Variants in TMPRSS4 observed in about 807,000 individuals in gnomAD.
TMPRSS4 encodes transmembrane protease serine 4.
TMPRSS4 carries 45 observed loss-of-function variants against 56.4 expected under a neutral mutation model. The ratio of observed to expected loss-of-function variants is 0.80; its 90% CI spans 0.63 to 1.02. The LOEUF (loss-of-function observed/expected upper bound fraction) is 1.02, where lower values mean the gene tolerates loss of function less well. Ranked by LOEUF, TMPRSS4 falls within the 50% of genes least tolerant of loss-of-function variation. TMPRSS4 has a pLI of 0.00. For missense variants in TMPRSS4, 546 were observed against 556.7 expected (o/e 0.98, Z 0.19); for synonymous variants, 205 against 211.0 (o/e 0.97, Z 0.25).
At chr11:118,095,526 G>A (rs1946237759) in intron 2 of TMPRSS4, 1 of 152,298 alleles carries the variant, frequency 6.6e-6, no homozygotes, top group South Asian at 2.1e-4. Flanking sequence ...GTAATCTTTA[G>A]CAAGTAAAAT....
At chr11:118,117,239 C>A in intron 11 of TMPRSS4, 66 bp from the exon 12 acceptor site, 1 of 1,532,706 alleles carries the variant, frequency 6.5e-7, no homozygotes, top group Non-Finnish European at 9.0e-7. Flanking sequence ...GTTCAGGGAG[C>A]AGAGAAGGAG....
intron 1 of TMPRSS4, among the ~76,000 whole-genome samples, chr11:118,087,390 G>A (rs761583400): frequency 5.9e-5 from 9 of 152,156 alleles, no homozygotes; most frequent in Non-Finnish European, 8.8e-5. Context: ...TTGAGCTGCC[G>A]CCTCTTCTTC....
intron 3 of TMPRSS4, among the ~76,000 whole-genome samples, chr11:118,099,499 A>AAGAC (rs1555085876): frequency 3.0e-4 from 46 of 151,800 alleles, no homozygotes; most frequent in Middle Eastern, 6.8e-3. Flanking sequence ...GAAAGAAAGA[A>AAGAC]AGACATGTAT....
At chr11:118,115,978 G>A (rs1049765297) in intron 11 of TMPRSS4, among the ~76,000 whole-genome samples, 4 of 152,148 alleles carry the variant, frequency 2.6e-5, no homozygotes, top group South Asian at 2.1e-4. Flanking sequence ...AAGAATTACC[G>A]CCTGCAGAAT....
chr11:118,111,958 G>A, intron 8 of TMPRSS4, 58 bp downstream of exon 8: 1 of 1,569,936 alleles, frequency 6.4e-7, no homozygotes, highest in East Asian at 2.4e-5. Flanking sequence ...GGACCAGAGA[G>A]CTTGGGGTCC....
rs142842357 is a variant in TMPRSS4, at chr11:118,115,136, A to G, written c.1010-2A>G. ...GGAATGTGAGTGTTTTTACCCTCCCAGGGAAGATGTCTGACATACTGCTGC... is the reference window on the plus strand; with the variant it reads ...GGAATGTGAGTGTTTTTACCCTCCCGGGGAAGATGTCTGACATACTGCTGC... On this transcript the variant is annotated splice_acceptor_variant, in intron 10 of 12. Coordinates refer to ENST00000437212, the MANE Select transcript of TMPRSS4 (RefSeq NM_019894.4). LOFTEE classifies it high-confidence loss of function. 178 of 1,609,636 alleles carry G rather than the reference A, an allele frequency of 1.1e-4. No individual in the cohort carries two copies. In the African/African-American group the frequency reaches 2.2e-3, roughly 20 times the overall value.
intron 12 of TMPRSS4, chr11:118,117,679 G>A (rs1947635177): frequency 1.0e-6 from 1 of 985,420 alleles, no homozygotes; most frequent in Non-Finnish European, 1.2e-6. Flanking sequence ...AACACACCAA[G>A]CCTTTCTTTC....
At position 118,114,886 on chromosome 11, in the gene TMPRSS4, C is replaced by G. The variant is rs1314623814; in HGVS notation, c.968C>G (p.Pro323Arg). 1.2e-6 allele frequency: 2 copies of G among 1,608,100 alleles called. No homozygotes were observed. The highest frequency in any genetic ancestry group is 2.2e-5 in the East Asian group (1 of 44,822). ...GATGAGGAGCTCACTCCAGCCACCCCACTCTGGATCATTGGATGGGGCTTT... is the reference window on the plus strand; with the variant it reads ...GATGAGGAGCTCACTCCAGCCACCCGACTCTGGATCATTGGATGGGGCTTT... ...FFDEELTPAT[P>R]LWIIGWGFTK... The change falls in exon 10 of 13, where the codon CCA (proline) becomes CGA (arginine). Residue 323 changes from proline to arginine, a missense_variant. Transcript: ENST00000437212.
intron 8 of TMPRSS4, among the ~76,000 whole-genome samples, chr11:118,112,107 T>C (rs1947307462): frequency 6.6e-6 from 1 of 152,160 alleles, no homozygotes; most frequent in African/African-American, 2.4e-5. Context: ...TCACCAAGCA[T>C]GGCCTCTTCC....
chr11:118,079,096 C>G (rs991493850), intron 1 of TMPRSS4, among the ~76,000 whole-genome samples: 2 of 152,038 alleles, frequency 1.3e-5, no homozygotes, highest in Non-Finnish European at 2.9e-5. Context: ...GGGGTCAGGT[C>G]AGGCCTGGGG....
At chr11:118,097,069 G>GGAAAGGAAAGGAAAGGAAAGGAA (rs1565423938) in intron 2 of TMPRSS4, among the ~76,000 whole-genome samples, 508 of 22,870 alleles carry the variant, frequency 0.022, 42 homozygotes, top group African/African-American at 0.053. Flanking sequence ...AAGGAAAGGA[G>GGAAAGGAAAGGAAAGGAAAGGAA]GTAGTAGAAG....
chr11:118,096,210 T>A (rs949897411), intron 2 of TMPRSS4, among the ~76,000 whole-genome samples: 9 of 152,362 alleles, frequency 5.9e-5, no homozygotes, highest in Non-Finnish European at 1.3e-4. Flanking sequence ...TGGCAAACAT[T>A]ACTGATAAGC....
intron 2 of TMPRSS4, 136 bp downstream of exon 2, chr11:118,094,991 C>A: frequency 1.1e-6 from 1 of 887,340 alleles, no homozygotes; most frequent in Non-Finnish European, 1.8e-6. Flanking sequence ...TCCAGTCACC[C>A]GTCCATCCAT....
At chr11:118,078,138 C>T (rs1487267733) in intron 1 of TMPRSS4, among the ~76,000 whole-genome samples, 3 of 151,950 alleles carry the variant, frequency 2.0e-5, no homozygotes, top group African/African-American at 4.8e-5. Context: ...TGCCCTCACC[C>T]TCTCTCCTCC....
chr11:118,100,426 C>T (rs1166708899), intron 3 of TMPRSS4, among the ~76,000 whole-genome samples: 3 of 152,196 alleles, frequency 2.0e-5, no homozygotes, highest in African/African-American at 7.2e-5. Context: ...CTGAGAGAGA[C>T]TCTGGTCCTC....
intron 11 of TMPRSS4, among the ~76,000 whole-genome samples, chr11:118,116,008 G>A (rs1382807763): frequency 7.0e-6 from 1 of 142,386 alleles, no homozygotes; most frequent in Non-Finnish European, 1.5e-5. Flanking sequence ...ACATCTGTGT[G>A]TGCCCTCACC....
intron 7 of TMPRSS4, 21 bp from the exon 8 acceptor site, chr11:118,111,720 C>G (rs745551174): frequency 1.3e-6 from 2 of 1,540,382 alleles, no homozygotes; most frequent in Non-Finnish European, 8.7e-7. Context: ...CTGCCTCCTC[C>G]CTGCCTCTGC....
At chr11:118,080,755 T>A (rs1350168912) in intron 1 of TMPRSS4, among the ~76,000 whole-genome samples, 1 of 152,104 alleles carries the variant, frequency 6.6e-6, no homozygotes, top group East Asian at 1.9e-4. Flanking sequence ...GCCGACAAGC[T>A]TCCCAAAGCC....
intron 1 of TMPRSS4, among the ~76,000 whole-genome samples, chr11:118,077,564 C>T (rs949105142): frequency 1.3e-5 from 2 of 152,288 alleles, no homozygotes; most frequent in East Asian, 3.9e-4. Context: ...CTGTCCTTCC[C>T]GACTATTCTT....
Sources: allele counts gnomAD v4.1 joint callset (sites outside exome capture counted in the v4.1 genomes callset), GRCh38; gene constraint gnomAD v4.1.1; transcripts MANE v1.5; gene names NCBI Gene and HGNC (gene_info 2026-07-23, HGNC 2026-07-21).